PNPLA5: variants seen among roughly 807,000 people sequenced by gnomAD.
The protein encoded by PNPLA5 is patatin like domain 5, triacylglycerol lipase.
PNPLA5 carries 44 observed loss-of-function variants against 49.1 expected under a neutral mutation model. The observed-to-expected ratio is 0.90, with a 90% CI of 0.70 to 1.15. The LOEUF (loss-of-function observed/expected upper bound fraction) is 1.15. Among genes scored for constraint, PNPLA5 ranks in the 50% most tolerant of loss-of-function variants. The pLI is 0.00. For synonymous variants in PNPLA5, 243 were observed against 244.4 expected, an observed-to-expected ratio of 0.99 and a Z score of 0.06; for missense variants, 603 against 564.0, an observed-to-expected ratio of 1.07 and a Z score of -0.70.
At chr22:43,885,288 G>A (rs978126227) in intron 6 of PNPLA5, among the ~76,000 whole-genome samples, 1 of 152,120 alleles carries the variant, frequency 6.6e-6, no homozygotes, top group African/African-American at 2.4e-5. Context: ...CTCCGGCATG[G>A]AAAGGGGCCC....
At chr22:43,884,907 C>T (rs2049646548) in intron 6 of PNPLA5, among the ~76,000 whole-genome samples, 1 of 152,204 alleles carries the variant, frequency 6.6e-6, no homozygotes, top group South Asian at 2.1e-4. Flanking sequence ...CAGCTCAGGC[C>T]ACCACGTCCA....
chr22:43,888,919 T>C (rs535803076), intron 4 of PNPLA5, among the ~76,000 whole-genome samples: 54 of 152,350 alleles, frequency 3.5e-4, no homozygotes, highest in African/African-American at 1.2e-3. Context: ...GTCTGAATCC[T>C]GGTTTTGCTG....
Position 43,891,883 on chromosome 22 carries a change from CG to C in PNPLA5, c.-4del. 6.6e-7 allele frequency: 1 copy of C among 1,508,284 alleles called. No individual in the cohort carries two copies. Among genetic ancestry groups the C allele is most frequent in the Admixed American group, 2.7e-5 (1 of 37,392 alleles). The allele number at this position is 1,508,284 out of a possible 1,614,324, so 93.4% of individuals were successfully genotyped here. ...CCCTCCTCCTCTAAGAAGCCCATGGCGGGTGGACCGGGCGGGGTGATCGGGA... is the reference window on the plus strand; with the variant it reads ...CCCTCCTCCTCTAAGAAGCCCATGGCGGTGGACCGGGCGGGGTGATCGGGA... On this transcript the variant is annotated 5_prime_UTR_variant, in exon 1 of 9. Coordinates refer to ENST00000216177, the MANE Select transcript of PNPLA5 (RefSeq NM_138814.4).
intron 2 of PNPLA5, 130 bp from the exon 3 acceptor site, chr22:43,889,994 C>T: frequency 6.9e-7 from 1 of 1,453,900 alleles, no homozygotes; most frequent in Non-Finnish European, 9.1e-7. Context: ...GATGAGGGAG[C>T]TGAGGCATCA....
chr22:43,891,509 C>A, intron 1 of PNPLA5, 179 bp downstream of exon 1: 1 of 866,484 alleles, frequency 1.2e-6, no homozygotes, highest in South Asian at 5.3e-5. Context: ...GAGCCACGAT[C>A]CCTCCTCTGC....
chr22:43,891,644 T>G (rs1307930858), intron 1 of PNPLA5, 44 bp downstream of exon 1: 1 of 1,498,456 alleles, frequency 6.7e-7, no homozygotes, highest in Non-Finnish European at 8.9e-7. Context: ...CCGCTTTCAT[T>G]AAGCTGTCCC....
chr22:43,881,518 C>T (rs1569506845), intron 8 of PNPLA5, 40 bp downstream of exon 8: 3 of 1,534,460 alleles, frequency 2.0e-6, no homozygotes, highest in Non-Finnish European at 2.6e-6. Context: ...CCCCCCAGCA[C>T]AGCCACCCCC....
At chr22:43,887,506 C>G in intron 5 of PNPLA5, 85 bp downstream of exon 5, 1 of 1,487,612 alleles carries the variant, frequency 6.7e-7, no homozygotes, top group Non-Finnish European at 9.2e-7. Flanking sequence ...AGCCCATGTC[C>G]CTAGCAGCTC....
intron 5 of PNPLA5, 48 bp from the exon 6 acceptor site, chr22:43,886,536 A>AT: frequency 6.4e-7 from 1 of 1,564,658 alleles, no homozygotes; most frequent in Non-Finnish European, 8.6e-7. Context: ...GAGCCTCCCC[A>AT]AGGCGCCCCA....
At position 43,880,225 on chromosome 22, in the gene PNPLA5, T is replaced by C. The variant is rs138129; in HGVS notation, c.*570A>G. 0.59 allele frequency: 233,858 copies of C among 393,856 alleles called. 70,439 individuals carry two copies. The highest frequency in any genetic ancestry group is 0.76 in the African/African-American group (36,873 of 48,594). The allele number at this position is 393,856 out of a possible 1,614,324, so 24.4% of individuals were successfully genotyped here. Reference sequence around the variant, plus strand: ...CCACAGCTGGGATCCTGAAAAGACCTGGACCCCCCTCTCCTCCTCCTCCTG... The same window carrying C: ...CCACAGCTGGGATCCTGAAAAGACCCGGACCCCCCTCTCCTCCTCCTCCTG... On this transcript the variant is annotated 3_prime_UTR_variant, in exon 9 of 9. Coordinates refer to ENST00000216177, the MANE Select transcript of PNPLA5 (RefSeq NM_138814.4).
At chr22:43,890,938 AG>A in intron 2 of PNPLA5, 123 bp downstream of exon 2, 2 of 1,270,682 alleles carry the variant, frequency 1.6e-6, no homozygotes, top group Non-Finnish European at 2.1e-6. Context: ...ACCTACAAAC[AG>A]GTCCACCCGC....
intron 4 of PNPLA5, 138 bp from the exon 5 acceptor site, chr22:43,887,789 G>GAC (rs2049681112): frequency 1.1e-5 from 16 of 1,411,382 alleles, no homozygotes; most frequent in African/African-American, 1.5e-5. Flanking sequence ...ATTCAACAGG[G>GAC]CTCAGGGCAG....
intron 5 of PNPLA5, 77 bp from the exon 6 acceptor site, chr22:43,886,565 G>A: frequency 6.6e-7 from 1 of 1,522,518 alleles, no homozygotes; most frequent in Non-Finnish European, 8.8e-7. Flanking sequence ...ACATCCCTCA[G>A]AGCCCAAACC....
Position 43,883,838 on chromosome 22 carries a change from AAAGAG to A in PNPLA5, c.1082+370_1082+374del, listed in dbSNP as rs1232872550. 5.3e-5 allele frequency among the ~76,000 whole-genome samples: 8 copies of A among 152,100 alleles called. No homozygotes were observed. In the South Asian group the frequency reaches 1.0e-3, roughly 20 times the overall value. ...AAAAAAAAAGAAAAGAAAAGAAAGA[AAAGAG>A]AAGAGAAAAGAAACCTGTAGCCCAG... On this transcript the variant is annotated intron_variant, in intron 7 of 8. Transcript: ENST00000216177.
chr22:43,888,800 C>T (rs1416234615), intron 4 of PNPLA5, among the ~76,000 whole-genome samples: 5 of 151,834 alleles, frequency 3.3e-5, no homozygotes, highest in East Asian at 3.9e-4. Flanking sequence ...GGTAAAAAAA[C>T]GCTTCCTTCA....
chr22:43,885,250 C>T (rs1383547178), intron 6 of PNPLA5, among the ~76,000 whole-genome samples: 2 of 152,194 alleles, frequency 1.3e-5, no homozygotes, highest in African/African-American at 2.4e-5. Context: ...CACAGGTCCC[C>T]GCCCATTTCT....
chr22:43,886,268 C>T, intron 6 of PNPLA5, 35 bp downstream of exon 6: 2 of 1,591,088 alleles, frequency 1.3e-6, no homozygotes, highest in African/African-American at 1.3e-5. Flanking sequence ...AGTGCAGGGC[C>T]CTGGTAGGTG....
At chr22:43,884,561 C>G (rs2049643245) in intron 6 of PNPLA5, 1 of 271,518 alleles carries the variant, frequency 3.7e-6, no homozygotes, top group Admixed American at 6.5e-5. Context: ...GATGAGGAGA[C>G]TGAGGTTCAG....
chr22:43,886,980 T>A (rs10427590), intron 5 of PNPLA5, among the ~76,000 whole-genome samples: 4,321 of 152,140 alleles, frequency 0.028, 119 homozygotes, highest in African/African-American at 0.061. Flanking sequence ...TGTGTCTGAA[T>A]GTCTATTGCA....
Sources: allele counts gnomAD v4.1 joint callset (sites outside exome capture counted in the v4.1 genomes callset), GRCh38; gene constraint gnomAD v4.1.1; transcripts MANE v1.5; gene names NCBI Gene and HGNC (gene_info 2026-07-23, HGNC 2026-07-21).